SMYD3: variants seen among roughly 807,000 people sequenced by gnomAD.
SMYD3 encodes the protein SET and MYND domain containing 3, also known as histone-lysine N-methyltransferase SMYD3.
A neutral mutation model predicts 57.7 loss-of-function variants in SMYD3; 36 were observed. That is an observed-to-expected ratio of 0.62 (90% CI 0.48 to 0.82). The LOEUF (loss-of-function observed/expected upper bound fraction) is 0.82, where lower values mean the gene tolerates loss of function less well. Among genes scored for constraint, SMYD3 ranks in the 40% least tolerant of loss-of-function variants. The pLI is 0.00. For missense variants in SMYD3, 515 were observed against 538.8 expected (o/e 0.96, Z 0.44); for synonymous variants, 211 against 195.0 (o/e 1.08, Z -0.68).
intron 1 of SMYD3, among the ~76,000 whole-genome samples, chr1:246,365,486 C>A (rs180926877): frequency 8.6e-4 from 75 of 87,454 alleles, no homozygotes; most frequent in Middle Eastern, 6.0e-3. Context: ...CAGAGTGAGA[C>A]CCTGTCTAAA....
intron 10 of SMYD3, among the ~76,000 whole-genome samples, chr1:245,824,052 C>G (rs1387046187): frequency 6.6e-6 from 1 of 152,170 alleles, no homozygotes; most frequent in Admixed American, 6.5e-5. Flanking sequence ...GCTTCCTCCC[C>G]TACTCACGAC....
At chr1:246,322,052 T>G (rs143914620) in intron 5 of SMYD3, among the ~76,000 whole-genome samples, 83 of 152,268 alleles carry the variant, frequency 5.5e-4, no homozygotes, top group Non-Finnish European at 1.0e-3. Flanking sequence ...CCATTGTGCC[T>G]GACCAATAAA....
chr1:245,771,780 C>G (rs2046349453), intron 10 of SMYD3, among the ~76,000 whole-genome samples: 1 of 151,892 alleles, frequency 6.6e-6, no homozygotes, highest in Non-Finnish European at 1.5e-5. Context: ...GTTATTTATG[C>G]CTTTGTGGTA....
chr1:245,772,401 G>C lies in SMYD3; in HGVS notation c.1077-8252C>G, dbSNP rs567101332. On this transcript the variant is annotated intron_variant, in intron 10 of 11. Transcript: ENST00000490107. ...GCCATGGCTCACACCCTTAATCCCAGTGCTTTGGGAGGCCAAGGAGAGAAG... is the reference window on the plus strand; with the variant it reads ...GCCATGGCTCACACCCTTAATCCCACTGCTTTGGGAGGCCAAGGAGAGAAG... Among the ~76,000 whole-genome samples, 10 of 152,314 alleles carry C rather than the reference G, an allele frequency of 6.6e-5. No homozygotes were observed. The East Asian group carries it at 1.9e-3, about 29-fold the overall frequency.
chr1:246,011,687 TAGG>T lies in SMYD3; in HGVS notation c.532-81753_532-81751del, dbSNP rs145788487. ...CTAACTTATGCCATGGTAATTCACA[TAGG>T]AGAATGGCATAACTAATTAATATGG... is the stretch of plus-strand genomic sequence containing the variant. On this transcript the variant is annotated intron_variant, in intron 5 of 11. Coordinates refer to ENST00000490107, the MANE Select transcript of SMYD3 (RefSeq NM_001167740.2). Among the ~76,000 whole-genome samples, 1,038 of 152,274 alleles carry T rather than the reference TAGG, an allele frequency of 6.8e-3. 4 individuals are homozygous for T. Among genetic ancestry groups the T allele is most frequent in the Non-Finnish European group, 0.011 (729 of 68,006 alleles).
At chr1:246,254,539 C>A (rs555163552) in intron 5 of SMYD3, among the ~76,000 whole-genome samples, 175 of 152,160 alleles carry the variant, frequency 1.2e-3, no homozygotes, top group African/African-American at 4.2e-3. Context: ...GTTATTGTAC[C>A]CTTATAGTAT....
At chr1:245,810,502 G>A (rs1305171069) in intron 10 of SMYD3, among the ~76,000 whole-genome samples, 1 of 152,158 alleles carries the variant, frequency 6.6e-6, no homozygotes, top group Non-Finnish European at 1.5e-5. Context: ...GAAGCCAGTC[G>A]ACAGCACCTA....
At chr1:246,325,069 C>CGGGGG (rs2065319515) in intron 5 of SMYD3, among the ~76,000 whole-genome samples, 1 of 9,206 alleles carries the variant, frequency 1.1e-4, no homozygotes, top group Non-Finnish European at 1.9e-4. Context: ...GAGAAGGAGT[C>CGGGGG]GCGGGGGCGG....
intron 5 of SMYD3, among the ~76,000 whole-genome samples, chr1:246,230,333 A>T (rs2063391354): frequency 6.9e-6 from 1 of 144,198 alleles, no homozygotes; most frequent in Non-Finnish European, 1.5e-5. Context: ...TTTAATCTGC[A>T]ATCGCTCACC....
At chr1:246,100,866 G>A (rs941273955) in intron 5 of SMYD3, among the ~76,000 whole-genome samples, 3 of 151,862 alleles carry the variant, frequency 2.0e-5, no homozygotes, top group African/African-American at 7.3e-5. Flanking sequence ...CCATGAGGAG[G>A]ATATTATCAT....
chr1:246,371,610 T>C (rs1357531375), intron 1 of SMYD3, among the ~76,000 whole-genome samples: 2 of 152,188 alleles, frequency 1.3e-5, no homozygotes, highest in African/African-American at 4.8e-5. Context: ...GTACCATGGG[T>C]AAAATTTCAA....
chr1:246,054,062 T>A (rs765885850), intron 5 of SMYD3, among the ~76,000 whole-genome samples: 14 of 152,102 alleles, frequency 9.2e-5, no homozygotes, highest in Non-Finnish European at 1.8e-4. Context: ...TATAAAGAAC[T>A]CTTACAACTC....
chr1:246,381,050 G>A (rs1164683975), intron 1 of SMYD3, among the ~76,000 whole-genome samples: 1 of 152,204 alleles, frequency 6.6e-6, no homozygotes, highest in Non-Finnish European at 1.5e-5. Context: ...AGGTAATGGG[G>A]AGTAGAATGG....
At chr1:246,207,039 A>G (rs2063011229) in intron 5 of SMYD3, among the ~76,000 whole-genome samples, 1 of 152,180 alleles carries the variant, frequency 6.6e-6, no homozygotes, top group South Asian at 2.1e-4. Context: ...TTACCAGGGA[A>G]CACAATTCTA....
chr1:246,254,056 C>T (rs1329811812), intron 5 of SMYD3, among the ~76,000 whole-genome samples: 1 of 152,112 alleles, frequency 6.6e-6, no homozygotes, highest in Admixed American at 6.5e-5. Context: ...ATTAAAAAAA[C>T]TTTGTCAGAT....
chr1:246,128,805 T>G (rs1419204686), intron 5 of SMYD3, among the ~76,000 whole-genome samples: 4 of 152,098 alleles, frequency 2.6e-5, no homozygotes, highest in East Asian at 1.9e-4. Flanking sequence ...TTTTTGGTTT[T>G]GTTTTGTTTT....
At position 245,972,707 on chromosome 1, in the gene SMYD3, T is replaced by C. The variant is rs1391146522; in HGVS notation, c.532-42770A>G. Among the ~76,000 whole-genome samples, 6 of 152,340 alleles carry C rather than the reference T, an allele frequency of 3.9e-5. No individual in the cohort carries two copies. The East Asian group carries it at 1.2e-3, about 29-fold the overall frequency. Reference sequence around the variant, plus strand: ...TGGGAACTGCTTCTGGAGCTAAGCCTTGAGACTGTGGGCTGGCCCTGCTGG... The same window carrying C: ...TGGGAACTGCTTCTGGAGCTAAGCCCTGAGACTGTGGGCTGGCCCTGCTGG... On this transcript the variant is annotated intron_variant, in intron 5 of 11. Coordinates refer to ENST00000490107, the MANE Select transcript of SMYD3 (RefSeq NM_001167740.2).
chr1:246,470,674 G>A (rs768829724), intron 1 of SMYD3, among the ~76,000 whole-genome samples: 5 of 150,576 alleles, frequency 3.3e-5, no homozygotes, highest in Non-Finnish European at 7.4e-5. Context: ...GCATATGTGT[G>A]TATATATATA....
rs2067816695 is a variant in SMYD3 at position 246,462,448 on chromosome 1, T to C, written c.164+44606A>G. On this transcript the variant is annotated intron_variant, in intron 1 of 11. Transcript: ENST00000490107. Reference sequence around the variant, plus strand: ...TCCATGGGGGCCTGGCCTCAAGTCATAGGCCCCCGACTGTGCCACTGTGTC... The same window carrying C: ...TCCATGGGGGCCTGGCCTCAAGTCACAGGCCCCCGACTGTGCCACTGTGTC... Among the ~76,000 whole-genome samples the C allele has an allele frequency of 2.0e-5, 3 of 152,232 alleles. 1 individual carries two copies. Among genetic ancestry groups the C allele is most frequent in the East Asian group, 3.9e-4 (2 of 5,166 alleles).
Sources: allele counts gnomAD v4.1 joint callset (sites outside exome capture counted in the v4.1 genomes callset), GRCh38; gene constraint gnomAD v4.1.1; transcripts MANE v1.5; gene names NCBI Gene and HGNC (gene_info 2026-07-23, HGNC 2026-07-21).